Variants in DCDC2 observed in about 807,000 individuals in gnomAD.
The protein encoded by DCDC2 is doublecortin domain containing 2, also known as doublecortin domain-containing protein 2.
DCDC2 carries 40 observed loss-of-function variants against 50.2 expected under a neutral mutation model. The observed-to-expected ratio is 0.80, with a 90% CI of 0.62 to 1.04. DCDC2 has a LOEUF of 1.04. Among genes scored for constraint, DCDC2 ranks in the 50% least tolerant of loss-of-function variants. The pLI is 0.00. For missense variants in DCDC2, 570 were observed against 581.9 expected, an observed-to-expected ratio of 0.98 and a Z score of 0.21; for synonymous variants, 234 against 210.6, an observed-to-expected ratio of 1.11 and a Z score of -0.96.
At chr6:24,355,910 T>G (rs1760459499) in intron 1 of DCDC2, among the ~76,000 whole-genome samples, 1 of 152,200 alleles carries the variant, frequency 6.6e-6, no homozygotes, top group African/African-American at 2.4e-5. Flanking sequence ...ATTTGAATTT[T>G]AATTATTAAG....
In DCDC2 at chr6:24,237,461, G is replaced by A. The variant is rs149015587; in HGVS notation, c.923-32359C>T. On this transcript the variant is annotated intron_variant, in intron 7 of 9. Coordinates refer to ENST00000378454, the MANE Select transcript of DCDC2 (RefSeq NM_016356.5). The stretch of plus-strand genomic sequence containing the variant: ...TGTGGAAAAAAGGGAATGTTTATAC[G>A]CTGTTGGTGGGAATGTAAATTAGTT... Among the ~76,000 whole-genome samples, 133 of 152,282 alleles carry A rather than the reference G, an allele frequency of 8.7e-4. 4 individuals are homozygous for A. In the East Asian group the frequency reaches 0.023, roughly 26 times the overall value.
At chr6:24,203,623 C>T (rs1215355608) in intron 8 of DCDC2, among the ~76,000 whole-genome samples, 1 of 152,084 alleles carries the variant, frequency 6.6e-6, no homozygotes, top group Non-Finnish European at 1.5e-5. Flanking sequence ...GCAACAAAAG[C>T]CGAAATTGAC....
rs947339155 is a variant in DCDC2, at chr6:24,192,383, C to A, written c.1023+12619G>T. The stretch of plus-strand genomic sequence containing the variant: ...AAACGAATCACCCTACAGGACACCT[C>A]CCCTACCTATGCACACAGTGTGTCC... On this transcript the variant is annotated intron_variant, in intron 8 of 9. Coordinates refer to ENST00000378454, the MANE Select transcript of DCDC2 (RefSeq NM_016356.5). 3.9e-5 allele frequency among the ~76,000 whole-genome samples: 6 copies of A among 152,172 alleles called. No homozygotes were observed. The East Asian group carries it at 9.6e-4, about 24-fold the overall frequency.
At chr6:24,345,665 C>A (rs1367589824) in intron 2 of DCDC2, among the ~76,000 whole-genome samples, 4 of 152,200 alleles carry the variant, frequency 2.6e-5, no homozygotes, top group African/African-American at 9.6e-5. Flanking sequence ...CAGCATTTCT[C>A]TGAAGTACAG....
chr6:24,288,716 G>C (rs942318907), intron 6 of DCDC2, 136 bp downstream of exon 6: 1 of 718,718 alleles, frequency 1.4e-6, no homozygotes, highest in African/African-American at 1.8e-5. Flanking sequence ...AAGTTCTAGT[G>C]CTGTTTCACA....
intron 4 of DCDC2, among the ~76,000 whole-genome samples, chr6:24,298,874 T>G (rs1232132395): frequency 6.6e-6 from 1 of 152,232 alleles, no homozygotes; most frequent in African/African-American, 2.4e-5. Flanking sequence ...TTAAAGGCAT[T>G]TGAAACTTAA....
chr6:24,329,673 G>T (rs1357462892), intron 2 of DCDC2, among the ~76,000 whole-genome samples: 1 of 151,066 alleles, frequency 6.6e-6, no homozygotes, highest in Non-Finnish European at 1.5e-5. Flanking sequence ...GGCCTAGCTT[G>T]CTTTGTGCCT....
intron 9 of DCDC2, among the ~76,000 whole-genome samples, chr6:24,177,893 G>T (rs941124710): frequency 6.6e-6 from 1 of 152,160 alleles, no homozygotes; most frequent in African/African-American, 2.4e-5. Flanking sequence ...AGAGATCAAA[G>T]AAATCACTCA....
chr6:24,349,872 G>A (rs1760333545), intron 2 of DCDC2, among the ~76,000 whole-genome samples: 2 of 151,994 alleles, frequency 1.3e-5, no homozygotes, highest in African/African-American at 2.4e-5. Context: ...TGGGTGTAGA[G>A]AGTCAGGGAT....
chr6:24,234,883 CATAG>C (rs1462095751), intron 7 of DCDC2, among the ~76,000 whole-genome samples: 1 of 152,096 alleles, frequency 6.6e-6, no homozygotes, highest in Admixed American at 6.6e-5. Flanking sequence ...TTAGATACCA[CATAG>C]ATAGCACACT....
At chr6:24,330,119 C>G (rs1204326036) in intron 2 of DCDC2, among the ~76,000 whole-genome samples, 1 of 152,180 alleles carries the variant, frequency 6.6e-6, no homozygotes, top group Non-Finnish European at 1.5e-5. Context: ...GTCAGAATTA[C>G]TGTACCCCAA....
intron 7 of DCDC2, among the ~76,000 whole-genome samples, chr6:24,239,524 T>A (rs927679190): frequency 2.6e-5 from 4 of 152,220 alleles, no homozygotes; most frequent in Admixed American, 1.3e-4. Flanking sequence ...GAGGCAGGCA[T>A]GTGACCCAGC....
rs150605697 is a variant in DCDC2 at position 24,292,685 on chromosome 6, T to C, written c.558-1607A>G. 1.4e-4 allele frequency among the ~76,000 whole-genome samples: 21 copies of C among 152,320 alleles called. No homozygotes were observed. In the South Asian group the frequency reaches 3.7e-3, roughly 27 times the overall value. ...GAGTTCAAGACCAGCCTGGGCAACA[T>C]AGTAAGACGCTATCTCAAAAAACAC... is the stretch of plus-strand genomic sequence containing the variant. On this transcript the variant is annotated intron_variant, in intron 4 of 9. Coordinates refer to ENST00000378454, the MANE Select transcript of DCDC2 (RefSeq NM_016356.5).
At chr6:24,294,178 G>A (rs1561762683) in intron 4 of DCDC2, among the ~76,000 whole-genome samples, 1 of 152,110 alleles carries the variant, frequency 6.6e-6, no homozygotes, top group African/African-American at 2.4e-5. Context: ...GCAACATAGT[G>A]AAACCCCGTC....
chr6:24,215,362 T>A (rs2113769882), intron 7 of DCDC2, among the ~76,000 whole-genome samples: 1 of 152,206 alleles, frequency 6.6e-6, no homozygotes, highest in East Asian at 1.9e-4. Context: ...GAATTTGAAC[T>A]TGATCATGAA....
intron 2 of DCDC2, among the ~76,000 whole-genome samples, chr6:24,352,215 T>C (rs1178481020): frequency 1.3e-5 from 2 of 152,262 alleles, no homozygotes; most frequent in Admixed American, 6.5e-5. Flanking sequence ...GTAAATATAC[T>C]GTGCTCACAT....
chr6:24,270,364 A>C (rs1763211872), intron 7 of DCDC2, among the ~76,000 whole-genome samples: 1 of 152,184 alleles, frequency 6.6e-6, no homozygotes, highest in Non-Finnish European at 1.5e-5. Context: ...CACCATCAAG[A>C]TGTTCTAAAG....
chr6:24,201,930 A>T (rs763444416), intron 8 of DCDC2, among the ~76,000 whole-genome samples: 2 of 152,168 alleles, frequency 1.3e-5, no homozygotes, highest in East Asian at 3.9e-4. Context: ...CCCTCCCAAG[A>T]CTAAACCAGG....
At chr6:24,264,947 A>G (rs1763087699) in intron 7 of DCDC2, among the ~76,000 whole-genome samples, 1 of 152,174 alleles carries the variant, frequency 6.6e-6, no homozygotes, top group South Asian at 2.1e-4. Context: ...TGCAGATGGA[A>G]ACCATAAAAG....
Sources: allele counts gnomAD v4.1 joint callset (sites outside exome capture counted in the v4.1 genomes callset), GRCh38; gene constraint gnomAD v4.1.1; transcripts MANE v1.5; gene names NCBI Gene and HGNC (gene_info 2026-07-23, HGNC 2026-07-21).